The following CDH13 variants were observed in gnomAD, a reference collection of about 807,000 sequenced individuals.
CDH13 encodes cadherin 13.
CDH13 carries 24 observed loss-of-function variants against 63.8 expected under a neutral mutation model. The observed-to-expected ratio is 0.38, with a 90% confidence interval of 0.27 to 0.53. The LOEUF is 0.53. Ranked by LOEUF, CDH13 falls within the 20% of genes least tolerant of loss-of-function variation. The pLI is 0.85. For missense variants in CDH13, 1,049 were observed against 903.1 expected, an observed-to-expected ratio of 1.16 and a Z score of -2.07; for synonymous variants, 503 against 355.3, an observed-to-expected ratio of 1.42 and a Z score of -4.67.
intron 9 of CDH13, among the ~76,000 whole-genome samples, chr16:83,673,819 G>A (rs546705037): frequency 1.1e-4 from 17 of 152,346 alleles, no homozygotes; most frequent in Admixed American, 7.2e-4. Context: ...TTGTCAAGGG[G>A]CATGGCCTTA....
intron 1 of CDH13, among the ~76,000 whole-genome samples, chr16:82,811,506 A>T (rs935358722): frequency 6.6e-6 from 1 of 152,208 alleles, no homozygotes; most frequent in Non-Finnish European, 1.5e-5. Context: ...TTCTGCTAAT[A>T]CTATTGTGAT....
chr16:83,127,933 G>T (rs1464083807), intron 4 of CDH13, among the ~76,000 whole-genome samples: 3 of 152,178 alleles, frequency 2.0e-5, no homozygotes, highest in African/African-American at 7.2e-5. Flanking sequence ...CCCTTGGGCA[G>T]CCCTAGCCAC....
At chr16:82,779,695 C>T (rs1465217949) in intron 1 of CDH13, among the ~76,000 whole-genome samples, 1 of 152,142 alleles carries the variant, frequency 6.6e-6, no homozygotes, top group Admixed American at 6.5e-5. Flanking sequence ...CCACCAGAAC[C>T]AGATTGTTGG....
At position 83,159,972 on chromosome 16, in the gene CDH13, A is replaced by T. The variant is rs143874643; in HGVS notation, c.483+34471A>T. 2.6e-3 allele frequency among the ~76,000 whole-genome samples: 399 copies of T among 152,242 alleles called. 5 individuals are homozygous for T. The highest frequency in any genetic ancestry group is 0.017 in the Admixed American group (254 of 15,298). ...ATACCTGTAATCTCAGCTACTCAGG[A>T]GGCTGAGGCACGAGAATTGCTTGAA... On this transcript the variant is annotated intron_variant, in intron 4 of 13. Coordinates refer to ENST00000567109, the MANE Select transcript of CDH13 (RefSeq NM_001257.5).
chr16:83,603,155 G>A (rs545227560), intron 8 of CDH13, among the ~76,000 whole-genome samples: 1 of 152,280 alleles, frequency 6.6e-6, no homozygotes, highest in African/African-American at 2.4e-5. Context: ...GATGTTTGGG[G>A]AAGGGCTGAG....
At chr16:83,621,058 G>C (rs1300290785) in intron 8 of CDH13, among the ~76,000 whole-genome samples, 1 of 152,150 alleles carries the variant, frequency 6.6e-6, no homozygotes, top group Non-Finnish European at 1.5e-5. Flanking sequence ...TGCCAGCACT[G>C]AGACAGGTAC....
intron 5 of CDH13, among the ~76,000 whole-genome samples, chr16:83,268,697 G>A (rs1178261151): frequency 6.6e-6 from 1 of 152,200 alleles, no homozygotes; most frequent in Non-Finnish European, 1.5e-5. Flanking sequence ...ACACAAAAAT[G>A]TTGTGAAAAT....
intron 4 of CDH13, among the ~76,000 whole-genome samples, chr16:83,202,064 A>C (rs1341457245): frequency 6.6e-6 from 1 of 152,194 alleles, no homozygotes; most frequent in Non-Finnish European, 1.5e-5. Context: ...TTCTTTGCCA[A>C]GGTCTCTGCT....
chr16:83,664,399 G>C (rs4782551), intron 8 of CDH13, among the ~76,000 whole-genome samples: 151,996 of 152,308 alleles, frequency 1, 75,842 homozygotes, highest in Middle Eastern at 1. Context: ...TTATTAATCT[G>C]TTCTGAGACA....
At chr16:83,054,110 A>G (rs1261818835) in intron 3 of CDH13, among the ~76,000 whole-genome samples, 1 of 152,206 alleles carries the variant, frequency 6.6e-6, no homozygotes, top group African/African-American at 2.4e-5. Flanking sequence ...GCTATACCGT[A>G]TTTCCTAGGT....
intron 1 of CDH13, among the ~76,000 whole-genome samples, chr16:82,797,835 C>T (rs1262838905): frequency 6.7e-6 from 1 of 149,500 alleles, no homozygotes; most frequent in Non-Finnish European, 1.5e-5. Context: ...ACATACTTTT[C>T]CCCCTGTAAT....
rs184742739 is a variant in CDH13, at chr16:83,528,917, G to T, written c.960+42262G>T. 5.3e-5 allele frequency among the ~76,000 whole-genome samples: 8 copies of T among 152,294 alleles called. No individual in the cohort carries two copies. The East Asian group carries it at 1.5e-3, about 29-fold the overall frequency. On this transcript the variant is annotated intron_variant, in intron 7 of 13. Transcript: ENST00000567109. ...CTGTTTAATTAGCAGGAGTCACCTT[G>T]AGAAATGTCACCAGGGTGGTCCTGC...
intron 5 of CDH13, among the ~76,000 whole-genome samples, chr16:83,327,157 GCTTT>G (rs1362564883): frequency 6.6e-6 from 1 of 152,178 alleles, no homozygotes; most frequent in Non-Finnish European, 1.5e-5. Context: ...AGTTCTACTT[GCTTT>G]ATTTTCCTTC....
At chr16:82,960,277 T>C (rs1906771210) in intron 2 of CDH13, among the ~76,000 whole-genome samples, 1 of 152,060 alleles carries the variant, frequency 6.6e-6, no homozygotes, top group Non-Finnish European at 1.5e-5. Flanking sequence ...TGCAGAATTG[T>C]TTGTGGAAAT....
At chr16:83,581,453 A>T (rs548351469) in intron 7 of CDH13, among the ~76,000 whole-genome samples, 1 of 152,122 alleles carries the variant, frequency 6.6e-6, no homozygotes, top group African/African-American at 2.4e-5. Context: ...TTCTCCTCCA[A>T]AATATCCACA....
intron 5 of CDH13, among the ~76,000 whole-genome samples, chr16:83,298,729 G>C (rs2089661589): frequency 1.3e-5 from 2 of 152,182 alleles, no homozygotes; most frequent in Non-Finnish European, 2.9e-5. Flanking sequence ...GAGAGGCTCA[G>C]ATGGCCCCAG....
chr16:83,459,246 C>T (rs918385022), intron 6 of CDH13, among the ~76,000 whole-genome samples: 1 of 152,190 alleles, frequency 6.6e-6, no homozygotes, highest in Non-Finnish European at 1.5e-5. Flanking sequence ...TGCAGCAATG[C>T]CATTGACAAG....
At chr16:83,226,356 T>G (rs533549749) in intron 5 of CDH13, among the ~76,000 whole-genome samples, 3 of 152,176 alleles carry the variant, frequency 2.0e-5, no homozygotes, top group South Asian at 4.1e-4. Flanking sequence ...GCTTCCTCAC[T>G]CAGGGCTATG....
At chr16:82,923,004 G>T (rs2042202611) in intron 2 of CDH13, among the ~76,000 whole-genome samples, 1 of 152,070 alleles carries the variant, frequency 6.6e-6, no homozygotes, top group Non-Finnish European at 1.5e-5. Context: ...TCTTAAGTGT[G>T]CAATAGCATC....
Sources: gnomAD v4.1 joint callset for allele counts (sites outside exome capture counted in the v4.1 genomes callset) on GRCh38, gnomAD v4.1.1 for gene constraint, MANE v1.5 for transcripts, NCBI Gene and HGNC (gene_info 2026-07-23, HGNC 2026-07-21) for gene names.